The following SPOCK1 variants were observed in gnomAD, a reference collection of about 807,000 sequenced individuals.
SPOCK1 encodes SPARC (osteonectin), cwcv and kazal like domains proteoglycan 1.
A neutral mutation model predicts 55.3 loss-of-function variants in SPOCK1; 23 were observed. The observed-to-expected ratio is 0.42, with a 90% CI of 0.30 to 0.59. SPOCK1 has a LOEUF of 0.59. Ranked by LOEUF, SPOCK1 falls within the 20% of genes least tolerant of loss-of-function variation. The pLI is 0.22. For missense variants in SPOCK1, 499 were observed against 552.5 expected (o/e 0.90, Z 0.97); for synonymous variants, 226 against 221.0 (o/e 1.02, Z -0.20).
At chr5:137,216,195 C>G (rs1013324304) in intron 3 of SPOCK1, among the ~76,000 whole-genome samples, 8 of 152,102 alleles carry the variant, frequency 5.3e-5, no homozygotes, top group African/African-American at 1.7e-4. Context: ...ACACATTCAG[C>G]AGGTGAAGGC....
At chr5:137,338,861 G>A (rs997457452) in intron 2 of SPOCK1, among the ~76,000 whole-genome samples, 1 of 152,100 alleles carries the variant, frequency 6.6e-6, no homozygotes, top group African/African-American at 2.4e-5. Flanking sequence ...CTTTTTGATG[G>A]GGTTGTTTGT....
intron 2 of SPOCK1, among the ~76,000 whole-genome samples, chr5:137,415,173 A>G (rs564028391): frequency 4.6e-5 from 7 of 152,334 alleles, no homozygotes; most frequent in South Asian, 2.1e-4. Flanking sequence ...ATAGAGATTT[A>G]TGAATAGTTC....
chr5:137,248,094 A>AT (rs1756432607), intron 3 of SPOCK1, among the ~76,000 whole-genome samples: 1 of 152,212 alleles, frequency 6.6e-6, no homozygotes, highest in South Asian at 2.1e-4. Flanking sequence ...TTCCCTACAC[A>AT]TAACTTAGAG....
At chr5:137,252,775 G>A (rs1014829561) in intron 3 of SPOCK1, among the ~76,000 whole-genome samples, 1 of 152,230 alleles carries the variant, frequency 6.6e-6, no homozygotes. Flanking sequence ...AATCTGGCAT[G>A]CACTTCAATT....
intron 2 of SPOCK1, among the ~76,000 whole-genome samples, chr5:137,474,288 C>T (rs1410084781): frequency 1.3e-5 from 2 of 151,844 alleles, no homozygotes; most frequent in African/African-American, 2.4e-5. Flanking sequence ...ATTATCAGTA[C>T]GGTAATTCCT....
At chr5:137,178,964 C>T (rs1307787429) in intron 3 of SPOCK1, among the ~76,000 whole-genome samples, 1 of 152,224 alleles carries the variant, frequency 6.6e-6, no homozygotes, top group Non-Finnish European at 1.5e-5. Context: ...CCCAGAAGAG[C>T]AGGTACTTGG....
chr5:137,200,443 A>G (rs1241337025), intron 3 of SPOCK1, among the ~76,000 whole-genome samples: 2 of 151,960 alleles, frequency 1.3e-5, no homozygotes, highest in South Asian at 2.1e-4. Flanking sequence ...CACTTACACT[A>G]CCAGACTCTG....
At chr5:137,473,917 G>A (rs1753785548) in intron 2 of SPOCK1, among the ~76,000 whole-genome samples, 2 of 152,298 alleles carry the variant, frequency 1.3e-5, no homozygotes, top group South Asian at 4.1e-4. Context: ...GCCATAAAAA[G>A]GAATGAATTA....
intron 2 of SPOCK1, among the ~76,000 whole-genome samples, chr5:137,270,194 G>A (rs1226477650): frequency 6.6e-6 from 1 of 152,210 alleles, no homozygotes; most frequent in Non-Finnish European, 1.5e-5. Flanking sequence ...TGTGGTGAAA[G>A]ACATATTGGA....
chr5:137,202,879 A>G (rs1357705607), intron 3 of SPOCK1, among the ~76,000 whole-genome samples: 1 of 152,230 alleles, frequency 6.6e-6, no homozygotes, highest in Non-Finnish European at 1.5e-5. Flanking sequence ...GTAGCTTCAG[A>G]AAATCTGTGG....
intron 3 of SPOCK1, among the ~76,000 whole-genome samples, chr5:137,187,775 T>TA (rs1463493359): frequency 6.6e-6 from 1 of 152,074 alleles, no homozygotes; most frequent in Admixed American, 6.5e-5. Flanking sequence ...TGTGGGAGCC[T>TA]AAAAAAGAGA....
chr5:137,487,554 ATT>A (rs1321051191), intron 2 of SPOCK1, among the ~76,000 whole-genome samples: 1 of 152,154 alleles, frequency 6.6e-6, no homozygotes, highest in Non-Finnish European at 1.5e-5. Flanking sequence ...CAGTTTCAAT[ATT>A]CTTTTCACTA....
intron 2 of SPOCK1, among the ~76,000 whole-genome samples, chr5:137,434,434 T>A (rs1278478764): frequency 1.3e-5 from 2 of 149,068 alleles, no homozygotes; most frequent in African/African-American, 4.9e-5. Flanking sequence ...TACAAATCCT[T>A]AAAAGTGATT....
At chr5:137,486,213 G>A (rs1193848039) in intron 2 of SPOCK1, among the ~76,000 whole-genome samples, 2 of 152,158 alleles carry the variant, frequency 1.3e-5, no homozygotes, top group African/African-American at 4.8e-5. Context: ...GGCAGTGTCT[G>A]TACCCATAAA....
At chr5:137,186,136 G>A (rs895066068) in intron 3 of SPOCK1, among the ~76,000 whole-genome samples, 3 of 152,132 alleles carry the variant, frequency 2.0e-5, no homozygotes, top group Non-Finnish European at 2.9e-5. Context: ...GAGTCACCCC[G>A]TCTTTAACAA....
chr5:137,174,256 T>C (rs1430768706), intron 3 of SPOCK1, among the ~76,000 whole-genome samples: 1 of 152,192 alleles, frequency 6.6e-6, no homozygotes, highest in Non-Finnish European at 1.5e-5. Flanking sequence ...CTTTTGTTGC[T>C]CATGCCAGCA....
intron 5 of SPOCK1, among the ~76,000 whole-genome samples, chr5:137,097,072 G>A (rs1753162828): frequency 6.6e-6 from 1 of 152,214 alleles, no homozygotes; most frequent in Non-Finnish European, 1.5e-5. Context: ...AGTATGGCAG[G>A]TGGCACACAG....
At chr5:137,329,268 A>T (rs900427165) in intron 2 of SPOCK1, among the ~76,000 whole-genome samples, 2 of 151,946 alleles carry the variant, frequency 1.3e-5, no homozygotes, top group African/African-American at 4.8e-5. Flanking sequence ...AGCCTACCAA[A>T]TCTTAGACTG....
chr5:137,200,642 A>C (rs575105300), intron 3 of SPOCK1, among the ~76,000 whole-genome samples: 23 of 152,178 alleles, frequency 1.5e-4, no homozygotes, highest in Admixed American at 1.4e-3. Flanking sequence ...TCTTTTTTTC[A>C]ATTTTAATTT....
Sources: allele counts gnomAD v4.1 joint callset (sites outside exome capture counted in the v4.1 genomes callset), GRCh38; gene constraint gnomAD v4.1.1; transcripts MANE v1.5; gene names NCBI Gene and HGNC (gene_info 2026-07-23, HGNC 2026-07-21).